Variants in ADAM18 observed in about 807,000 individuals in gnomAD.
ADAM18 encodes disintegrin and metalloproteinase domain-containing protein 18.
Under a neutral mutation model 94.4 loss-of-function variants are expected in ADAM18, and 117 were observed. The observed-to-expected ratio is 1.24, with a 90% CI of 1.07 to 1.45. ADAM18 has a LOEUF of 1.45. Ranked by LOEUF, ADAM18 falls within the 40% of genes most tolerant of loss-of-function variation. The pLI, the probability that ADAM18 is intolerant of heterozygous loss-of-function variation, is 0.00. For synonymous variants in ADAM18, 327 were observed against 291.6 expected (o/e 1.12, Z -1.24); for missense variants, 936 against 880.0 (o/e 1.06, Z -0.81).
intron 5 of ADAM18, among the ~76,000 whole-genome samples, chr8:39,610,000 A>G (rs1181598474): frequency 6.6e-6 from 1 of 152,136 alleles, no homozygotes; most frequent in African/African-American, 2.4e-5. Context: ...TGATGCTGGG[A>G]GTCTCACTTA....
chr8:39,626,606 T>C (rs868040433), intron 6 of ADAM18, among the ~76,000 whole-genome samples: 8 of 152,208 alleles, frequency 5.3e-5, no homozygotes, highest in South Asian at 4.1e-4. Context: ...TTTGTATTAC[T>C]ATTATCATTC....
intron 7 of ADAM18, among the ~76,000 whole-genome samples, chr8:39,635,206 A>G (rs750778142): frequency 6.6e-6 from 1 of 152,176 alleles, no homozygotes; most frequent in African/African-American, 2.4e-5. Flanking sequence ...TCTCTTTTTT[A>G]TAATACCCAG....
chr8:39,638,615 TTAAG>T, intron 10 of ADAM18, 69 bp downstream of exon 10: 1 of 927,348 alleles, frequency 1.1e-6, no homozygotes, highest in Non-Finnish European at 1.6e-6. Context: ...AAGTATTAAT[TTAAG>T]TAGTTAAATA....
chr8:39,661,607 C>T (rs1441746111), intron 12 of ADAM18, among the ~76,000 whole-genome samples: 1 of 151,762 alleles, frequency 6.6e-6, no homozygotes, highest in African/African-American at 2.4e-5. Flanking sequence ...TTATCAAGAC[C>T]TCCACCATGC....
intron 7 of ADAM18, among the ~76,000 whole-genome samples, chr8:39,633,190 G>C (rs2129579179): frequency 6.6e-6 from 1 of 152,234 alleles, no homozygotes; most frequent in African/African-American, 2.4e-5. Context: ...TACCCAATCT[G>C]TCATATTCTG....
chr8:39,651,348 G>T (rs1250628397), intron 12 of ADAM18, among the ~76,000 whole-genome samples: 2 of 152,142 alleles, frequency 1.3e-5, no homozygotes, highest in Non-Finnish European at 2.9e-5. Context: ...CCCTTTACGG[G>T]TGTCGGGCTG....
At chr8:39,645,137 A>C (rs1212682837) in intron 10 of ADAM18, among the ~76,000 whole-genome samples, 1 of 152,196 alleles carries the variant, frequency 6.6e-6, no homozygotes, top group Non-Finnish European at 1.5e-5. Context: ...ACCAGAGACT[A>C]TCATAGTTTG....
intron 19 of ADAM18, among the ~76,000 whole-genome samples, chr8:39,726,615 A>C (rs2129581993): frequency 6.6e-6 from 1 of 152,248 alleles, no homozygotes; most frequent in East Asian, 1.9e-4. Flanking sequence ...TACCCAATAA[A>C]ATCATTGCCC....
intron 14 of ADAM18, among the ~76,000 whole-genome samples, chr8:39,675,386 T>C (rs1821271864): frequency 6.6e-6 from 1 of 152,226 alleles, no homozygotes; most frequent in Admixed American, 6.5e-5. Context: ...CTTCAATCAT[T>C]GATACCCTTT....
intron 6 of ADAM18, among the ~76,000 whole-genome samples, chr8:39,616,477 A>G (rs572101987): frequency 2.0e-4 from 31 of 152,306 alleles, no homozygotes; most frequent in African/African-American, 6.7e-4. Context: ...TGCTATTCCT[A>G]TCAAACAACC....
At chr8:39,673,224 A>G (rs1243758399) in intron 14 of ADAM18, among the ~76,000 whole-genome samples, 2 of 152,200 alleles carry the variant, frequency 1.3e-5, no homozygotes, top group African/African-American at 4.8e-5. Context: ...ACTTGATTGC[A>G]TTCACTGCGC....
intron 5 of ADAM18, among the ~76,000 whole-genome samples, chr8:39,610,308 A>G (rs1425314772): frequency 2.6e-5 from 4 of 152,042 alleles, no homozygotes; most frequent in African/African-American, 9.7e-5. Context: ...AATGTTCTTT[A>G]TTGCATTTAG....
intron 17 of ADAM18, among the ~76,000 whole-genome samples, chr8:39,706,082 T>A (rs1822234935): frequency 6.6e-6 from 1 of 152,180 alleles, no homozygotes; most frequent in Non-Finnish European, 1.5e-5. Context: ...GTTTGAATTT[T>A]ACAAAATATG....
chr8:39,692,170 A>G (rs1220147532), intron 16 of ADAM18, among the ~76,000 whole-genome samples: 4 of 151,914 alleles, frequency 2.6e-5, no homozygotes, highest in Non-Finnish European at 5.9e-5. Flanking sequence ...ACAAAGATTC[A>G]AAATTTATGA....
At chr8:39,662,865 T>A (rs897315672) in intron 12 of ADAM18, among the ~76,000 whole-genome samples, 1 of 152,210 alleles carries the variant, frequency 6.6e-6, no homozygotes, top group African/African-American at 2.4e-5. Context: ...CCTCAAGTGA[T>A]CTGCCCACCT....
chr8:39,633,849 G>C (rs1414579421), intron 7 of ADAM18, among the ~76,000 whole-genome samples: 1 of 151,390 alleles, frequency 6.6e-6, no homozygotes, highest in Non-Finnish European at 1.5e-5. Flanking sequence ...AAAAAGGTGG[G>C]GGATGGGGGG....
At chr8:39,639,588 C>T (rs1268317898) in intron 10 of ADAM18, among the ~76,000 whole-genome samples, 1 of 151,890 alleles carries the variant, frequency 6.6e-6, no homozygotes, top group African/African-American at 2.4e-5. Flanking sequence ...TTCATTCCCC[C>T]TCTATAATTA....
intron 10 of ADAM18, among the ~76,000 whole-genome samples, chr8:39,640,322 C>A (rs966092165): frequency 6.6e-6 from 1 of 152,046 alleles, no homozygotes; most frequent in Non-Finnish European, 1.5e-5. Flanking sequence ...AGGATAATGG[C>A]TTCCAGCTCC....
At chr8:39,690,863 C>T (rs1821755671) in intron 16 of ADAM18, among the ~76,000 whole-genome samples, 1 of 152,110 alleles carries the variant, frequency 6.6e-6, no homozygotes. Flanking sequence ...GGTATACGCT[C>T]AAAGGAAAAT....
Sources: allele counts gnomAD v4.1 joint callset (sites outside exome capture counted in the v4.1 genomes callset), GRCh38; gene constraint gnomAD v4.1.1; transcripts MANE v1.5; gene names NCBI Gene and HGNC (gene_info 2026-07-23, HGNC 2026-07-21).